Variants in DNM1 observed in about 807,000 individuals in gnomAD.
DNM1 encodes the protein dynamin-1.
A neutral mutation model predicts 104.6 loss-of-function variants in DNM1; 29 were observed. That is an observed-to-expected ratio of 0.28 (90% CI 0.21 to 0.38). The LOEUF is 0.38. Ranked by LOEUF, DNM1 falls within the 10% of genes least tolerant of loss-of-function variation. The pLI, the probability that DNM1 is intolerant of heterozygous loss-of-function variation, is 1.00. For synonymous variants in DNM1, 445 were observed against 475.8 expected (o/e 0.94, Z 0.84); for missense variants, 640 against 1,189.4 (o/e 0.54, Z 6.79).
At chr9:128,206,118 C>G (rs942017374) in intron 1 of DNM1, among the ~76,000 whole-genome samples, 1 of 152,176 alleles carries the variant, frequency 6.6e-6, no homozygotes, top group Non-Finnish European at 1.5e-5. Flanking sequence ...CTGACCTCTC[C>G]AACAGGGCTC....
In DNM1 at chr9:128,234,070, C is replaced by T; in HGVS notation, c.1385C>T (p.Thr462Ile). The change falls in exon 11 of 22, where the codon ACC becomes ATC. Residue 462 changes from threonine (T) to isoleucine (I), a missense_variant. Transcript: ENST00000372923. Reference protein sequence around the residue: ...LREEMERIVTTHIREREGRTK... With the variant: ...LREEMERIVTIHIREREGRTK... ...GAGGAGATGGAGCGCATCGTGACCA[C>T]CCACATCCGGGAGCGCGAGGGCCGC... The T allele has an allele frequency of 6.3e-7, 1 of 1,578,222 alleles. No homozygotes were observed. The highest frequency in any genetic ancestry group is 8.6e-7 in the Non-Finnish European group (1 of 1,162,830).
chr9:128,222,155 G>C lies in DNM1; in HGVS notation c.850-42G>C, dbSNP rs1362157288. On this transcript the variant is annotated intron_variant, in intron 6 of 21. Transcript: ENST00000372923. This position sits in a 1 kb window ranked among gnomAD's most constrained non-coding sequence, Gnocchi z 7.8. ...GGCATCCAAGTCCCTTCCTGGCCCT[G>C]TGACCATCTGTCCTCAACCCTTTCC... 2 of 1,579,302 alleles carry C rather than the reference G, an allele frequency of 1.3e-6. No individual in the cohort carries two copies. Among genetic ancestry groups the C allele is most frequent in the African/African-American group, 2.7e-5 (2 of 74,234 alleles).
chr9:128,206,897 G>T (rs750431787), intron 1 of DNM1, among the ~76,000 whole-genome samples: 2 of 152,032 alleles, frequency 1.3e-5, no homozygotes, highest in African/African-American at 2.4e-5. Flanking sequence ...CTTGGGGAGC[G>T]GGTGAGGGAA....
chr9:128,220,274 C>T lies in DNM1; in HGVS notation c.782C>T (p.Ser261Phe). ...GCTGCTGAACGAAAGTTCTTCCTCT[C>T]CCATCCATCTTATCGCCACTTGGCT... The part of the protein sequence containing the change: ...ALAAERKFFL[S>F]HPSYRHLADR... The change falls in exon 6 of 22, where the codon TCC becomes TTC. Residue 261 changes from serine (S) to phenylalanine (F), a missense_variant. Physicochemically the swap from Ser to Phe is radical, Grantham distance 155. Coordinates refer to ENST00000372923, the MANE Select transcript of DNM1 (RefSeq NM_004408.4). The surrounding 1 kb of genome is among the most constrained non-coding windows in gnomAD (Gnocchi z 5.2). 5 of 1,614,214 alleles carry T rather than the reference C, an allele frequency of 3.1e-6. No individual in the cohort carries two copies. Among genetic ancestry groups the T allele is most frequent in the Non-Finnish European group, 4.2e-6 (5 of 1,180,032 alleles).
In DNM1 at chr9:128,250,231, G is replaced by A. The variant is rs768852075; in HGVS notation, c.2193G>A (p.Met731Ile). 6.2e-7 allele frequency: 1 copy of A among 1,614,158 alleles called. No homozygotes were observed. Among genetic ancestry groups the A allele is most frequent in the Non-Finnish European group, 8.5e-7 (1 of 1,180,030 alleles). The change falls in exon 20 of 22, where the codon ATG becomes ATA. Residue 731 changes from methionine (M) to isoleucine (I), a missense_variant. This residue lies in a region of DNM1 where 129 missense variants were observed against 224.6 expected (regional missense o/e 0.57). Coordinates refer to ENST00000372923, the MANE Select transcript of DNM1 (RefSeq NM_004408.4). ...QAQRRDEMLR[M>I]YHALKEALSI... ...AGCGGCGCGACGAGATGCTGCGCAT[G>A]TACCACGCACTGAAGGAGGCGCTCA...
intron 10 of DNM1, among the ~76,000 whole-genome samples, chr9:128,227,445 G>A (rs1465414830): frequency 8.3e-6 from 1 of 120,984 alleles, no homozygotes; most frequent in Non-Finnish European, 1.6e-5. Flanking sequence ...GCAGTGGCAC[G>A]ATCTCAGCTC....
At chr9:128,244,899 C>G (rs1339878549) in intron 15 of DNM1, 1 of 428,294 alleles carries the variant, frequency 2.3e-6, no homozygotes, top group South Asian at 1.7e-5. Context: ...ATCCGAGAAC[C>G]CCCCAACCCC....
In DNM1 at chr9:128,222,889, G is replaced by T; in HGVS notation, c.1196+29G>T. 1 of 1,609,460 alleles carries T rather than the reference G, an allele frequency of 6.2e-7. No homozygotes were observed. The highest frequency in any genetic ancestry group is 1.1e-5 in the South Asian group (1 of 90,956). ...CGTATTGGGGCCTGGGAGGGTGGCT[G>T]AACCCCAGAAGTAGGGGGTCTGGGA... is the stretch of plus-strand genomic sequence containing the variant. On this transcript the variant is annotated intron_variant, in intron 9 of 21. Transcript: ENST00000372923. The surrounding 1 kb of genome is among the most constrained non-coding windows in gnomAD (Gnocchi z 7.8).
chr9:128,254,125 A>G lies in DNM1; in HGVS notation c.2535-529A>G, dbSNP rs368415071. 3.0e-5 allele frequency: 38 copies of G among 1,261,142 alleles called. No homozygotes were observed. In the South Asian group the frequency reaches 1.1e-3, roughly 37 times the overall value. 78.1% of individuals were successfully genotyped at this position (1,261,142 alleles called of 1,614,324 possible). ...GCTGCCTGCCCTCCCTGCCTCCCCCAGGGTCCCTTCAGAGGGTCCTGGGTT... is the reference window on the plus strand; with the variant it reads ...GCTGCCTGCCCTCCCTGCCTCCCCCGGGGTCCCTTCAGAGGGTCCTGGGTT... On this transcript the variant is annotated intron_variant, in intron 21 of 21. Coordinates refer to ENST00000372923, the MANE Select transcript of DNM1 (RefSeq NM_004408.4). The surrounding 1 kb of genome is among the most constrained non-coding windows in gnomAD (Gnocchi z 6.1).
chr9:128,251,520 G>C lies in DNM1; in HGVS notation c.2534+580G>C, dbSNP rs971741424. 2.3e-5 allele frequency: 4 copies of C among 176,694 alleles called. No individual in the cohort carries two copies. In the South Asian group the frequency reaches 2.8e-4, roughly 12 times the overall value. The allele number at this position is 176,694 out of a possible 1,614,324, so 10.9% of individuals were successfully genotyped here. A position where few individuals can be genotyped will look rare whatever the true frequency, so the allele number is the denominator to read the frequency against. Reference sequence around the variant, plus strand: ...AAAGGTGTGTGATGTGTGTGTGGGCGTGCACACGAGTGTGAGAGTGTAAGC... The same window carrying C: ...AAAGGTGTGTGATGTGTGTGTGGGCCTGCACACGAGTGTGAGAGTGTAAGC... On this transcript the variant is annotated intron_variant, in intron 21 of 21. Coordinates refer to ENST00000372923, the MANE Select transcript of DNM1 (RefSeq NM_004408.4).
In DNM1 at chr9:128,247,230, T is replaced by G; in HGVS notation, c.1782-145T>G. On this transcript the variant is annotated intron_variant, in intron 16 of 21. Transcript: ENST00000372923. This position sits in a 1 kb window ranked among gnomAD's most constrained non-coding sequence, Gnocchi z 5.1. The stretch of plus-strand genomic sequence containing the variant: ...ATCTTCCCAGTGAGGAAACTGAGGC[T>G]GAGAGGAAGGGACTTGCACAGGGTC... 1.8e-6 allele frequency: 1 copy of G among 547,352 alleles called. No homozygotes were observed. Among genetic ancestry groups the G allele is most frequent in the Non-Finnish European group, 3.3e-6 (1 of 301,116 alleles). The allele number at this position is 547,352 out of a possible 1,614,324, so 33.9% of individuals were successfully genotyped here.
At chr9:128,223,395 CT>C (rs1835139251) in intron 9 of DNM1, 1 of 155,542 alleles carries the variant, frequency 6.4e-6, no homozygotes, top group African/African-American at 2.4e-5. Context: ...CTTAGATCCC[CT>C]TCAGGGACCC....
chr9:128,251,632 A>ACCCCCCCCC (rs200535768), intron 21 of DNM1: 1 of 120,784 alleles, frequency 8.3e-6, no homozygotes, highest in African/African-American at 4.1e-5. Flanking sequence ...CCTCCCCCCA[A>ACCCCCCCCC]CCACCCCCTC....
rs931107280 is a variant in DNM1, at chr9:128,215,150, G to A, written c.162-3081G>A. On this transcript the variant is annotated intron_variant, in intron 1 of 21. Transcript: ENST00000372923. ...TCCTCCCCACTGTCAGTCCAGACGT[G>A]AGACTGGGAAGCAGACCTCTCGGGT... 2.0e-5 allele frequency among the ~76,000 whole-genome samples: 3 copies of A among 152,244 alleles called. No individual in the cohort carries two copies. The East Asian group carries it at 5.8e-4, about 29-fold the overall frequency.
Position 128,218,776 on chromosome 9 carries a change from G to A in DNM1, c.385+45G>A. On this transcript the variant is annotated intron_variant, in intron 3 of 21. Coordinates refer to ENST00000372923, the MANE Select transcript of DNM1 (RefSeq NM_004408.4). The surrounding 1 kb of genome is among the most constrained non-coding windows in gnomAD (Gnocchi z 4.8). ...CCTAACCTCTAAGAATCATTTTCTTGGCCACGCACCTCTGCGTGCCTCGCT... is the reference window on the plus strand; with the variant it reads ...CCTAACCTCTAAGAATCATTTTCTTAGCCACGCACCTCTGCGTGCCTCGCT... 1 of 1,551,112 alleles carries A rather than the reference G, an allele frequency of 6.4e-7. No individual in the cohort carries two copies. Among genetic ancestry groups the A allele is most frequent in the Non-Finnish European group, 8.7e-7 (1 of 1,145,972 alleles).
At position 128,226,126 on chromosome 9, in the gene DNM1, A is replaced by G; in HGVS notation, c.1335+1737A>G. ...AGAGCCCAGTATCAAGTGTGTGGAT[A>G]TGGTAGTCAGTGAGCTCACAGCCAC... On this transcript the variant is annotated intron_variant, in intron 10 of 21. Coordinates refer to ENST00000372923, the MANE Select transcript of DNM1 (RefSeq NM_004408.4). 3 of 1,612,854 alleles carry G rather than the reference A, an allele frequency of 1.9e-6. No homozygotes were observed. The highest frequency in any genetic ancestry group is 2.5e-6 in the Non-Finnish European group (3 of 1,179,872).
chr9:128,218,932 A>G lies in DNM1; in HGVS notation c.386-117A>G. 7.5e-7 allele frequency: 1 copy of G among 1,325,010 alleles called. No individual in the cohort carries two copies. Among genetic ancestry groups the G allele is most frequent in the Non-Finnish European group, 1.0e-6 (1 of 966,838 alleles). The allele number at this position is 1,325,010 out of a possible 1,614,324, so 82.1% of individuals were successfully genotyped here. On this transcript the variant is annotated intron_variant, in intron 3 of 21. Transcript: ENST00000372923. This position sits in a 1 kb window ranked among gnomAD's most constrained non-coding sequence, Gnocchi z 4.8. ...TGCCACTTTCGCCCTGAGATTTCCT[A>G]GTCCCACCCACCTGCCACCCTGCTC...
intron 1 of DNM1, among the ~76,000 whole-genome samples, chr9:128,215,076 A>G (rs1000963477): frequency 2.0e-4 from 30 of 152,306 alleles, no homozygotes; most frequent in African/African-American, 7.0e-4. Flanking sequence ...CCAGGCAGGA[A>G]CCCGGAAGTG....
intron 21 of DNM1, chr9:128,252,327 T>G (rs7019135): frequency 0.012 from 4,150 of 356,864 alleles, 39 homozygotes; most frequent in Non-Finnish European, 0.015. Flanking sequence ...CCAACTCCAG[T>G]CTTGCTAACA....
Sources: gnomAD v4.1 joint callset for allele counts (sites outside exome capture counted in the v4.1 genomes callset) on GRCh38, gnomAD v4.1.1 for gene constraint, gnomAD v4.1.1 regional missense constraint, Gnocchi (gnomAD v3.1) non-coding constraint, MANE v1.5 for transcripts, NCBI Gene and HGNC (gene_info 2026-07-23, HGNC 2026-07-21) for gene names.